ARL15: variants seen among roughly 807,000 people sequenced by gnomAD.
ARL15 encodes ADP-ribosylation factor-like protein 15.
ARL15 carries 19 observed loss-of-function variants against 25.2 expected under a neutral mutation model. The ratio of observed to expected loss-of-function variants is 0.75; its 90% CI spans 0.53 to 1.10. The LOEUF is 1.10. Ranked by LOEUF, ARL15 falls within the 50% of genes least tolerant of loss-of-function variation. The pLI, the probability that ARL15 is intolerant of heterozygous loss-of-function variation, is 0.00. For missense variants in ARL15, 220 were observed against 246.0 expected (o/e 0.89, Z 0.71); for synonymous variants, 94 against 86.8 (o/e 1.08, Z -0.46).
chr5:54,059,277 T>C (rs539341941), intron 4 of ARL15, among the ~76,000 whole-genome samples: 239 of 152,332 alleles, frequency 1.6e-3, no homozygotes, highest in Non-Finnish European at 2.7e-3. Flanking sequence ...GGCTCATCAG[T>C]CTAGAACACT....
chr5:54,038,136 T>C (rs1040544861), intron 4 of ARL15, among the ~76,000 whole-genome samples: 2 of 152,142 alleles, frequency 1.3e-5, no homozygotes, highest in African/African-American at 4.8e-5. Context: ...AATGAGAGCA[T>C]GTACAAGTGA....
At chr5:53,951,847 ATTTTTTTTTTT>A (rs59369848) in intron 4 of ARL15, among the ~76,000 whole-genome samples, 3 of 98,220 alleles carry the variant, frequency 3.1e-5, no homozygotes, top group Non-Finnish European at 3.9e-5. Context: ...ACATAAAAGA[ATTTTTTTTTTT>A]TTTTTTTTTT....
At chr5:54,145,049 T>C (rs1394659668) in intron 3 of ARL15, among the ~76,000 whole-genome samples, 1 of 152,192 alleles carries the variant, frequency 6.6e-6, no homozygotes, top group Admixed American at 6.6e-5. Flanking sequence ...TCTATTTTTG[T>C]TATAGATTTA....
intron 4 of ARL15, among the ~76,000 whole-genome samples, chr5:54,001,474 T>C (rs12521454): frequency 0.28 from 41,816 of 151,926 alleles, 5,958 homozygotes; most frequent in East Asian, 0.45. Context: ...TTCCAGAACA[T>C]TATAAAGTAT....
At chr5:53,961,667 A>G (rs1240266816) in intron 4 of ARL15, among the ~76,000 whole-genome samples, 1 of 152,166 alleles carries the variant, frequency 6.6e-6, no homozygotes, top group Non-Finnish European at 1.5e-5. Flanking sequence ...AGAAATACAC[A>G]CATAGGTTTA....
Position 53,886,611 on chromosome 5 carries a change from G to C in ARL15, c.565C>G (p.Gln189Glu). ...TTTTCTTCTAACAAATTAATCAGCT[G>C]AGAGAAGCTGTCTTTCAGTGCATCC... ...DMDALKDSFS[Q>E]LINLLEEKDH... The change falls in exon 5 of 5, where the codon CAG (glutamine) becomes GAG (glutamate). Residue 189 changes from glutamine to glutamate, a missense_variant. Physicochemically the swap from Gln to Glu is conservative, Grantham distance 29. Transcript: ENST00000504924. The C allele has an allele frequency of 6.4e-7, 1 of 1,564,260 alleles. No homozygotes were observed. The highest frequency in any genetic ancestry group is 1.2e-5 in the South Asian group (1 of 84,826).
intron 1 of ARL15, among the ~76,000 whole-genome samples, chr5:54,207,982 G>T (rs143049488): frequency 3.9e-5 from 6 of 152,266 alleles, no homozygotes; most frequent in Non-Finnish European, 8.8e-5. Flanking sequence ...CAGAAAAGGA[G>T]AATTAAGTAA....
intron 4 of ARL15, among the ~76,000 whole-genome samples, chr5:53,962,164 C>T (rs866969066): frequency 6.6e-6 from 1 of 152,080 alleles, no homozygotes; most frequent in Non-Finnish European, 1.5e-5. Flanking sequence ...CCAAATTGTT[C>T]CCTAACATCC....
chr5:54,158,044 G>A (rs759988893), intron 2 of ARL15, among the ~76,000 whole-genome samples: 26 of 152,300 alleles, frequency 1.7e-4, no homozygotes, highest in Admixed American at 3.9e-4. Flanking sequence ...GGACAACCAA[G>A]AAGGGAAATT....
chr5:54,200,619 A>C (rs373471602), intron 1 of ARL15, among the ~76,000 whole-genome samples: 18 of 152,316 alleles, frequency 1.2e-4, no homozygotes, highest in African/African-American at 4.3e-4. Flanking sequence ...ATATAATCAT[A>C]AACCAACACC....
At chr5:54,153,812 T>G (rs1177503599) in intron 3 of ARL15, among the ~76,000 whole-genome samples, 2 of 151,956 alleles carry the variant, frequency 1.3e-5, no homozygotes, top group African/African-American at 4.8e-5. Flanking sequence ...AGAATGACCT[T>G]AAGGGAAAAT....
rs1001131455 is a variant in ARL15 at position 53,988,713 on chromosome 5, G to C, written c.463-102000C>G. On this transcript the variant is annotated intron_variant, in intron 4 of 4. Coordinates refer to ENST00000504924, the MANE Select transcript of ARL15 (RefSeq NM_019087.3). ...AGACTGTAGCAAGAACATGAAGTAG[G>C]TCAGTTGAAGAAGATAAGCCTGTAA... Among the ~76,000 whole-genome samples the C allele has an allele frequency of 2.0e-5, 3 of 152,290 alleles. No individual in the cohort carries two copies. In the East Asian group the frequency reaches 5.8e-4, roughly 29 times the overall value.
chr5:54,203,767 T>C (rs1755783726), intron 1 of ARL15, among the ~76,000 whole-genome samples: 1 of 152,156 alleles, frequency 6.6e-6, no homozygotes, highest in East Asian at 1.9e-4. Flanking sequence ...GTCAATAATG[T>C]TTTCAGTAAT....
Position 53,886,498 on chromosome 5 carries a change from TA to T in ARL15, c.*62del, listed in dbSNP as rs2111875910. On this transcript the variant is annotated 3_prime_UTR_variant, in exon 5 of 5. Coordinates refer to ENST00000504924, the MANE Select transcript of ARL15 (RefSeq NM_019087.3). Reference sequence around the variant, plus strand: ...TATAGTCTTGATACCAAAATAAAATTAAAATGAGAAACTAACATGATAGGTT... The same window carrying T: ...TATAGTCTTGATACCAAAATAAAATTAAATGAGAAACTAACATGATAGGTT... 6.7e-7 allele frequency: 1 copy of T among 1,496,930 alleles called. No homozygotes were observed. The highest frequency in any genetic ancestry group is 2.6e-5 in the Admixed American group (1 of 38,298). 92.7% of individuals were successfully genotyped at this position (1,496,930 alleles called of 1,614,324 possible).
chr5:54,244,095 A>G (rs1011454435), intron 1 of ARL15, among the ~76,000 whole-genome samples: 2 of 152,232 alleles, frequency 1.3e-5, no homozygotes, highest in Non-Finnish European at 2.9e-5. Flanking sequence ...AAGTAATAAT[A>G]TGAACGTTTC....
chr5:54,031,043 G>A (rs988020545), intron 4 of ARL15, among the ~76,000 whole-genome samples: 5 of 152,152 alleles, frequency 3.3e-5, no homozygotes, highest in Non-Finnish European at 7.3e-5. Context: ...AAGCTACTAT[G>A]TACAGATGGT....
Position 54,175,027 on chromosome 5 carries a change from G to A in ARL15, c.49-3099C>T, listed in dbSNP as rs111474976. Reference sequence around the variant, plus strand: ...TCCTCTGGACTATCTCCTGGAGGAGGGCTGGCCTGACTACCCTGGCCCAAA... The same window carrying A: ...TCCTCTGGACTATCTCCTGGAGGAGAGCTGGCCTGACTACCCTGGCCCAAA... On this transcript the variant is annotated intron_variant, in intron 1 of 4. Transcript: ENST00000504924. Among the ~76,000 whole-genome samples the A allele has an allele frequency of 5.8e-3, 884 of 152,280 alleles. 11 individuals are homozygous for A. The highest frequency in any genetic ancestry group is 0.015 in the Admixed American group (228 of 15,296).
rs951065076 is a variant in ARL15, at chr5:54,223,774, C to A, written c.49-51846G>T. On this transcript the variant is annotated intron_variant, in intron 1 of 4. Transcript: ENST00000504924. ...TCTTGAAAAATTTACAATCTACCTC[C>A]ACGGTCTGTCTGAACAACAAACTTA... Among the ~76,000 whole-genome samples the A allele has an allele frequency of 5.9e-5, 9 of 152,216 alleles. No homozygotes were observed. In the South Asian group the frequency reaches 6.2e-4, roughly 11 times the overall value.
intron 4 of ARL15, among the ~76,000 whole-genome samples, chr5:53,982,485 T>C (rs1748155930): frequency 6.6e-6 from 1 of 152,158 alleles, no homozygotes. Flanking sequence ...GGTTTCCAGC[T>C]TCATCCATGT....
Sources: allele counts gnomAD v4.1 joint callset (sites outside exome capture counted in the v4.1 genomes callset), GRCh38; gene constraint gnomAD v4.1.1; transcripts MANE v1.5; gene names NCBI Gene and HGNC (gene_info 2026-07-23, HGNC 2026-07-21).